B9D1: variants seen among roughly 807,000 people sequenced by gnomAD.
The protein encoded by B9D1 is B9 domain-containing protein 1.
A neutral mutation model predicts 26.1 loss-of-function variants in B9D1; 20 were observed. The ratio of observed to expected loss-of-function variants is 0.77; its 90% confidence interval spans 0.54 to 1.12. The LOEUF is 1.12. Among genes scored for constraint, B9D1 ranks in the 50% most tolerant of loss-of-function variants. The pLI is 0.00. For missense variants in B9D1, 260 were observed against 273.7 expected (o/e 0.95, Z 0.35); for synonymous variants, 105 against 103.1 (o/e 1.02, Z -0.11).
chr17:19,341,126 T>C, downstream of B9D1: 2 of 1,227,756 alleles, frequency 1.6e-6, no homozygotes, highest in Non-Finnish European at 2.0e-6. Context: ...AATTGGAAAA[T>C]TAAACATAAC....
In B9D1 at chr17:19,347,959, C is replaced by T. The variant is rs1465366061; in HGVS notation, c.245-79G>A. ...AGGGCAGAGAACAGGGCGTGTCCAG[C>T]TGAGGGTGCTCAAAGGATGGAGCTC... On this transcript the variant is annotated intron_variant, in intron 3 of 6. Coordinates refer to ENST00000261499, the MANE Select transcript of B9D1 (RefSeq NM_015681.6). The surrounding 1 kb of genome is among the most constrained non-coding windows in gnomAD (Gnocchi z 4.3). 39 of 1,257,838 alleles carry T rather than the reference C, an allele frequency of 3.1e-5. No homozygotes were observed. In the East Asian group the frequency reaches 8.8e-4, roughly 28 times the overall value. 77.9% of individuals were successfully genotyped at this position (1,257,838 alleles called of 1,614,324 possible).
Position 19,343,261 on chromosome 17 carries a change from C to T in B9D1, c.*58G>A, listed in dbSNP as rs534428777. 1,457 of 1,611,532 alleles carry T rather than the reference C, an allele frequency of 9.0e-4. 2 individuals are homozygous for T. Among genetic ancestry groups the T allele is most frequent in the Non-Finnish European group, 1.0e-3 (1,218 of 1,179,448 alleles). On this transcript the variant is annotated 3_prime_UTR_variant, in exon 7 of 7. Transcript: ENST00000261499. The stretch of plus-strand genomic sequence containing the variant: ...GGCTGCCCCTCAGGCCGATGGGCAG[C>T]GGCTGACTTCGGGAAGGCAGCCCTT...
chr17:19,343,772 G>A lies in B9D1; in HGVS notation c.472+18C>T, dbSNP rs1598046827. The stretch of plus-strand genomic sequence containing the variant: ...ACCTGTATGGGGGATGGGGGTAAGA[G>A]AGGGGAGGGAGCTTTACCTTCCCGG... On this transcript the variant is annotated intron_variant, in intron 6 of 6. Transcript: ENST00000261499. 6.2e-7 allele frequency: 1 copy of A among 1,613,148 alleles called. No homozygotes were observed. The highest frequency in any genetic ancestry group is 8.5e-7 in the Non-Finnish European group (1 of 1,179,230).
At chr17:19,335,564 G>C, downstream of B9D1, 1 of 1,339,552 alleles carries the variant, frequency 7.5e-7, no homozygotes, top group Non-Finnish European at 1.0e-6. Flanking sequence ...CGTGGGGTGG[G>C]GGGTGCTTCT....
rs1157707688 is a variant in B9D1 at position 19,347,877 on chromosome 17, G to A, written c.248C>T (p.Pro83Leu). Residue 83 changes from proline (P) to leucine (L), a missense_variant, in exon 4 of 7, where the codon CCA becomes CTA. Coordinates refer to ENST00000261499, the MANE Select transcript of B9D1 (RefSeq NM_015681.6). This position sits in a 1 kb window ranked among gnomAD's most constrained non-coding sequence, Gnocchi z 4.3. ...TFKSTNPYGW[P>L]QIVLSVYGPD... ...TCCATACACGCTGAGCACGATCTGT[G>A]GCCCTTGGGAAGGACAAGGCAGGGG... 6.2e-7 allele frequency: 1 copy of A among 1,614,030 alleles called. No homozygotes were observed. Among genetic ancestry groups the A allele is most frequent in the Non-Finnish European group, 8.5e-7 (1 of 1,179,982 alleles).
In B9D1 at chr17:19,347,071, C is replaced by T. The variant is rs1218496579; in HGVS notation, c.404+198G>A. ...TTCACAGGGCACAGGGTAAAATCGC[C>T]CGGCCTTCTGCTGCTGGAACAGGGC... On this transcript the variant is annotated intron_variant, in intron 5 of 6. Coordinates refer to ENST00000261499, the MANE Select transcript of B9D1 (RefSeq NM_015681.6). The surrounding 1 kb of genome is among the most constrained non-coding windows in gnomAD (Gnocchi z 4.3). The T allele has an allele frequency of 6.4e-7, 1 of 1,551,706 alleles. No individual in the cohort carries two copies. Among genetic ancestry groups the T allele is most frequent in the South Asian group, 1.2e-5 (1 of 84,362 alleles).
rs1910861391 is a variant in B9D1, at chr17:19,360,184, AAC to A, written c.132+134_132+135del. 19 of 813,624 alleles carry A rather than the reference AAC, an allele frequency of 2.3e-5. 1 individual carries two copies. In the South Asian group the frequency reaches 2.7e-4, roughly 12 times the overall value. 50.4% of individuals were successfully genotyped at this position (813,624 alleles called of 1,614,324 possible). ...TGTCCTCTGCTCCCGCTTTACCAGG[AAC>A]ACTCATGTTTGGGTTCCCCTGAACT... On this transcript the variant is annotated intron_variant, in intron 2 of 6. Coordinates refer to ENST00000261499, the MANE Select transcript of B9D1 (RefSeq NM_015681.6).
intron 1 of B9D1, among the ~76,000 whole-genome samples, chr17:19,374,323 TC>T (rs1912015327): frequency 1.3e-5 from 2 of 152,310 alleles, no homozygotes; most frequent in Non-Finnish European, 2.9e-5. Context: ...GAAATGCTGA[TC>T]TGATTTCCCA....
intron 6 of B9D1, 68 bp from the exon 7 acceptor site, chr17:19,343,529 A>G (rs1908249081): frequency 6.2e-7 from 1 of 1,609,186 alleles, no homozygotes; most frequent in Admixed American, 1.7e-5. Context: ...TGATCTGGGA[A>G]TCTCAGCCTC....
intron 1 of B9D1, among the ~76,000 whole-genome samples, chr17:19,376,910 C>T (rs1320109940): frequency 1.3e-5 from 2 of 152,192 alleles, no homozygotes; most frequent in Non-Finnish European, 2.9e-5. Flanking sequence ...GATAATAACT[C>T]TTGTAACCAA....
intron 1 of B9D1, among the ~76,000 whole-genome samples, chr17:19,369,758 A>G (rs1911793573): frequency 6.6e-6 from 1 of 152,196 alleles, no homozygotes; most frequent in African/African-American, 2.4e-5. Flanking sequence ...TTCCAACTTA[A>G]AACACTGGGT....
chr17:19,341,237 TTCAGGTCCC>T, downstream of B9D1: 2 of 1,231,750 alleles, frequency 1.6e-6, no homozygotes, highest in Non-Finnish European at 2.0e-6. Context: ...TCAGGGAAGC[TTCAGGTCCC>T]CTTGATGTGG....
chr17:19,340,025 C>T, downstream of B9D1, among the ~76,000 whole-genome samples: 2 of 105,460 alleles, frequency 1.9e-5, no homozygotes, highest in Non-Finnish European at 3.9e-5. Context: ...GGGGGTCCCA[C>T]ATGCCCAACC....
chr17:19,367,308 C>CTTTTTT (rs35898862), upstream of B9D1, among the ~76,000 whole-genome samples: 1 of 121,496 alleles, frequency 8.2e-6, no homozygotes, highest in Non-Finnish European at 1.7e-5. Context: ...TAAAATCAAT[C>CTTTTTT]TTTTTTTTTT....
chr17:19,357,407 A>G (rs936352581), intron 3 of B9D1, among the ~76,000 whole-genome samples: 4 of 152,230 alleles, frequency 2.6e-5, no homozygotes, highest in African/African-American at 9.6e-5. Context: ...AGACAGATGG[A>G]TCGGCATGAA....
chr17:19,360,498 G>C, intron 1 of B9D1, 110 bp from the exon 2 acceptor site: 1 of 939,212 alleles, frequency 1.1e-6, no homozygotes, highest in Non-Finnish European at 1.7e-6. Flanking sequence ...CCTGGGAGTG[G>C]GTCTAAGAGA....
At chr17:19,357,115 GCAAATGATGT>G (rs998312978) in intron 3 of B9D1, among the ~76,000 whole-genome samples, 2 of 152,230 alleles carry the variant, frequency 1.3e-5, no homozygotes, top group African/African-American at 4.8e-5. Flanking sequence ...AAAGCAGAAG[GCAAATGATGT>G]CAATTTTGAG....
At chr17:19,350,084 C>T (rs1412292570) in intron 3 of B9D1, among the ~76,000 whole-genome samples, 2 of 151,838 alleles carry the variant, frequency 1.3e-5, no homozygotes, top group Non-Finnish European at 2.9e-5. Flanking sequence ...TGCACTCCAG[C>T]CTGGGCGACA....
At chr17:19,358,212 C>T (rs952546094) in intron 2 of B9D1, among the ~76,000 whole-genome samples, 1 of 152,150 alleles carries the variant, frequency 6.6e-6, no homozygotes, top group African/African-American at 2.4e-5. Context: ...AGCTCTTGCC[C>T]CACTGAAGGA....
Sources: gnomAD v4.1 joint callset for allele counts (sites outside exome capture counted in the v4.1 genomes callset) on GRCh38, gnomAD v4.1.1 for gene constraint, Gnocchi (gnomAD v3.1) non-coding constraint, MANE v1.5 for transcripts, NCBI Gene and HGNC (gene_info 2026-07-23, HGNC 2026-07-21) for gene names.